MBOAT1: variants seen among roughly 807,000 people sequenced by gnomAD.
MBOAT1 encodes the protein membrane-bound glycerophospholipid O-acyltransferase 1.
In MBOAT1, 67 loss-of-function variants were observed where a neutral mutation model predicts 64.4. The observed-to-expected ratio is 1.04, with a 90% CI of 0.85 to 1.27. The LOEUF is 1.27. Among genes scored for constraint, MBOAT1 ranks in the 50% most tolerant of loss-of-function variants. The pLI is 0.00. For synonymous variants in MBOAT1, 229 were observed against 218.9 expected (o/e 1.05, Z -0.41); for missense variants, 563 against 604.6 (o/e 0.93, Z 0.72).
At chr6:20,139,146 G>A (rs1374722872) in intron 4 of MBOAT1, among the ~76,000 whole-genome samples, 2 of 152,104 alleles carry the variant, frequency 1.3e-5, no homozygotes, top group East Asian at 3.9e-4. Flanking sequence ...TTTGTTTTGA[G>A]ACCAAGTCTC....
Position 20,100,011 on chromosome 6 carries a change from T to C in MBOAT1, c.*2275A>G, listed in dbSNP as rs1303679347. On this transcript the variant is annotated 3_prime_UTR_variant, in exon 13 of 13. Transcript: ENST00000324607. ...ATCCATAAGCTCAACTCCTAGAGGTTTGACTTCTCCTCATCCCATAAGGAG... is the reference window on the plus strand; with the variant it reads ...ATCCATAAGCTCAACTCCTAGAGGTCTGACTTCTCCTCATCCCATAAGGAG... Among the ~76,000 whole-genome samples the C allele has an allele frequency of 2.0e-5, 3 of 152,182 alleles. No individual in the cohort carries two copies. The highest frequency in any genetic ancestry group is 7.2e-5 in the African/African-American group (3 of 41,442).
rs139614622 is a variant in MBOAT1 at position 20,147,408 on chromosome 6, G to A, written c.324-3093C>T. On this transcript the variant is annotated intron_variant, in intron 3 of 12. Transcript: ENST00000324607. ...TTATCCCAGCACTTTGGGAGGCCAAGGCGGGCGGATCACCTGAGGTCAGGG... is the reference window on the plus strand; with the variant it reads ...TTATCCCAGCACTTTGGGAGGCCAAAGCGGGCGGATCACCTGAGGTCAGGG... Among the ~76,000 whole-genome samples the A allele has an allele frequency of 2.0e-5, 3 of 152,364 alleles. No individual in the cohort carries two copies. In the East Asian group the frequency reaches 5.8e-4, roughly 29 times the overall value.
intron 1 of MBOAT1, among the ~76,000 whole-genome samples, chr6:20,205,914 T>C (rs549606652): frequency 6.6e-6 from 1 of 152,098 alleles, no homozygotes; most frequent in South Asian, 2.1e-4. Flanking sequence ...CCACCCTACC[T>C]GCCCAGACCC....
intron 12 of MBOAT1, among the ~76,000 whole-genome samples, chr6:20,103,992 G>T (rs954738231): frequency 2.0e-5 from 3 of 152,082 alleles, no homozygotes; most frequent in African/African-American, 7.2e-5. Flanking sequence ...CTCCATTCAT[G>T]GTAATACAGG....
chr6:20,135,709 C>A (rs565238978), intron 4 of MBOAT1, among the ~76,000 whole-genome samples: 2 of 152,256 alleles, frequency 1.3e-5, no homozygotes, highest in Middle Eastern at 6.8e-3. Context: ...GATGTTCTCC[C>A]AACAGGTAAT....
intron 12 of MBOAT1, among the ~76,000 whole-genome samples, chr6:20,109,355 C>T (rs972388053): frequency 4.6e-5 from 7 of 152,158 alleles, no homozygotes; most frequent in East Asian, 1.9e-4. Flanking sequence ...CATGAGGGGG[C>T]CCCTGGATGA....
At chr6:20,150,567 T>A (rs555114320) in intron 3 of MBOAT1, among the ~76,000 whole-genome samples, 1 of 149,548 alleles carries the variant, frequency 6.7e-6, no homozygotes, top group African/African-American at 2.4e-5. Flanking sequence ...TTTTCCTTTT[T>A]TTTTTTTTTT....
intron 1 of MBOAT1, among the ~76,000 whole-genome samples, chr6:20,189,748 T>A (rs1211000826): frequency 1.3e-5 from 2 of 151,834 alleles, no homozygotes; most frequent in Admixed American, 1.3e-4. Flanking sequence ...TGAGATCAAC[T>A]TTTTAAGACT....
chr6:20,192,871 G>GTT (rs1488100664), intron 1 of MBOAT1, among the ~76,000 whole-genome samples: 4 of 151,764 alleles, frequency 2.6e-5, no homozygotes, highest in African/African-American at 4.8e-5. Context: ...CTATGCCAGT[G>GTT]TTTTCCCCAT....
intron 8 of MBOAT1, among the ~76,000 whole-genome samples, chr6:20,123,667 G>A (rs1760558658): frequency 6.6e-6 from 1 of 151,252 alleles, no homozygotes; most frequent in African/African-American, 2.4e-5. Context: ...CCTAACAACG[G>A]TTCCTTAAAG....
chr6:20,115,165 G>T, intron 10 of MBOAT1, 123 bp downstream of exon 10: 2 of 753,010 alleles, frequency 2.7e-6, no homozygotes, highest in East Asian at 2.5e-5. Context: ...GGGCACAGAT[G>T]TTAATACAAA....
At chr6:20,154,923 T>C (rs16883442) in intron 1 of MBOAT1, among the ~76,000 whole-genome samples, 34,973 of 152,158 alleles carry the variant, frequency 0.23, 4,564 homozygotes, top group East Asian at 0.44. Context: ...TGAAGATCTA[T>C]AAATGGTGAC....
intron 4 of MBOAT1, among the ~76,000 whole-genome samples, chr6:20,136,473 T>C (rs1233595413): frequency 6.6e-6 from 1 of 152,114 alleles, no homozygotes; most frequent in Non-Finnish European, 1.5e-5. Context: ...AAACATGAAA[T>C]AAACAAATCT....
At chr6:20,122,937 T>C (rs1274724865) in intron 8 of MBOAT1, among the ~76,000 whole-genome samples, 1 of 152,114 alleles carries the variant, frequency 6.6e-6, no homozygotes, top group East Asian at 1.9e-4. Context: ...ATTCAAGTGA[T>C]TCTAATGCCT....
rs1759755412 is a variant in MBOAT1, at chr6:20,100,437, G to T, written c.*1849C>A. On this transcript the variant is annotated 3_prime_UTR_variant, in exon 13 of 13. Coordinates refer to ENST00000324607, the MANE Select transcript of MBOAT1 (RefSeq NM_001080480.3). Reference sequence around the variant, plus strand: ...CTAAGATTCTTCCTGGGACAGCGAAGTAGGGTTGCCCCAAGATTTCCTTGT... The same window carrying T: ...CTAAGATTCTTCCTGGGACAGCGAATTAGGGTTGCCCCAAGATTTCCTTGT... 6.6e-6 allele frequency among the ~76,000 whole-genome samples: 1 copy of T among 152,170 alleles called. No homozygotes were observed. The highest frequency in any genetic ancestry group is 2.1e-4 in the South Asian group (1 of 4,814).
chr6:20,202,238 T>C (rs1329727668), intron 1 of MBOAT1, among the ~76,000 whole-genome samples: 1 of 152,250 alleles, frequency 6.6e-6, no homozygotes, highest in Non-Finnish European at 1.5e-5. Flanking sequence ...CAGAATATTT[T>C]AAATTTTTAA....
At chr6:20,131,532 G>T (rs1210612280) in intron 4 of MBOAT1, among the ~76,000 whole-genome samples, 1 of 152,144 alleles carries the variant, frequency 6.6e-6, no homozygotes, top group Non-Finnish European at 1.5e-5. Flanking sequence ...CCTCAGCCAT[G>T]AGGAACTGTG....
At chr6:20,132,139 C>T (rs1392913051) in intron 4 of MBOAT1, among the ~76,000 whole-genome samples, 2 of 152,102 alleles carry the variant, frequency 1.3e-5, no homozygotes, top group Non-Finnish European at 2.9e-5. Flanking sequence ...CATGAGCCTC[C>T]GAAAGTGCTG....
At chr6:20,117,243 T>C (rs1760353764) in intron 9 of MBOAT1, among the ~76,000 whole-genome samples, 1 of 152,242 alleles carries the variant, frequency 6.6e-6, no homozygotes, top group Non-Finnish European at 1.5e-5. Context: ...CCAGATCCTC[T>C]AGGACTATAC....
Sources: gnomAD v4.1 joint callset for allele counts (sites outside exome capture counted in the v4.1 genomes callset) on GRCh38, gnomAD v4.1.1 for gene constraint, MANE v1.5 for transcripts, NCBI Gene and HGNC (gene_info 2026-07-23, HGNC 2026-07-21) for gene names.